ARRB1: variants seen among roughly 807,000 people sequenced by gnomAD.
ARRB1 encodes arrestin beta 1, also known as beta-arrestin-1.
ARRB1 carries 21 observed loss-of-function variants against 56.8 expected under a neutral mutation model. That is an observed-to-expected ratio of 0.37 (90% confidence interval 0.26 to 0.53). ARRB1 has a LOEUF of 0.53. Among genes scored for constraint, ARRB1 ranks in the 20% least tolerant of loss-of-function variants. The probability of loss-of-function intolerance (pLI) is 0.88; values close to 1 mark genes in which losing one functional copy is unlikely to be tolerated. For missense variants in ARRB1, 424 were observed against 553.7 expected (o/e 0.77, Z 2.35); for synonymous variants, 210 against 218.6 (o/e 0.96, Z 0.35).
At chr11:75,306,324 C>CTTCAG (rs1281036424) in intron 1 of ARRB1, among the ~76,000 whole-genome samples, 44 of 152,276 alleles carry the variant, frequency 2.9e-4, no homozygotes, top group African/African-American at 1.1e-3. Context: ...ACCCATCAGC[C>CTTCAG]TTCAGACATT....
intron 1 of ARRB1, among the ~76,000 whole-genome samples, chr11:75,299,701 C>A (rs1946851316): frequency 6.6e-6 from 1 of 152,200 alleles, no homozygotes; most frequent in South Asian, 2.1e-4. Context: ...ATAGCACTTA[C>A]CATACTTTGT....
intron 1 of ARRB1, among the ~76,000 whole-genome samples, chr11:75,314,969 G>A (rs1328964159): frequency 2.0e-5 from 3 of 152,148 alleles, no homozygotes; most frequent in Admixed American, 6.5e-5. Context: ...GAACAGAGAG[G>A]CCCGTGGTAG....
intron 1 of ARRB1, among the ~76,000 whole-genome samples, chr11:75,332,366 G>A (rs1382545513): frequency 6.6e-6 from 1 of 152,182 alleles, no homozygotes; most frequent in Non-Finnish European, 1.5e-5. Flanking sequence ...TGTAAACATA[G>A]CTAGATCTTT....
chr11:75,328,393 A>C (rs1947473113), intron 1 of ARRB1, among the ~76,000 whole-genome samples: 1 of 152,198 alleles, frequency 6.6e-6, no homozygotes, highest in Admixed American at 6.5e-5. Flanking sequence ...GCTATTGTGA[A>C]TAGTCAGTTG....
At chr11:75,321,738 T>C (rs1416087943) in intron 1 of ARRB1, among the ~76,000 whole-genome samples, 6 of 152,094 alleles carry the variant, frequency 3.9e-5, no homozygotes, top group African/African-American at 1.4e-4. Flanking sequence ...ATTAAGTGAG[T>C]GTAGTGTCTG....
intron 7 of ARRB1, among the ~76,000 whole-genome samples, chr11:75,280,073 T>C (rs1468892442): frequency 2.0e-5 from 3 of 152,180 alleles, no homozygotes; most frequent in African/African-American, 7.2e-5. Context: ...TGATAGCTTC[T>C]ATATCATTAT....
chr11:75,324,581 G>A (rs527571997), intron 1 of ARRB1, among the ~76,000 whole-genome samples: 4 of 152,186 alleles, frequency 2.6e-5, no homozygotes, highest in Admixed American at 6.5e-5. Context: ...CACCGTTGCC[G>A]AGCCCTGGAG....
rs143720836 is a variant in ARRB1 at position 75,350,656 on chromosome 11, G to A, written c.20+932C>T. On this transcript the variant is annotated intron_variant, in intron 1 of 15. Coordinates refer to ENST00000420843, the MANE Select transcript of ARRB1 (RefSeq NM_004041.5). The stretch of plus-strand genomic sequence containing the variant: ...TTTCAGGACAGGTTCTAGGAGAACG[G>A]GAGGGGTTCTCCCAGCCCTAGGTTC... 5.9e-5 allele frequency among the ~76,000 whole-genome samples: 9 copies of A among 152,346 alleles called. No homozygotes were observed. In the East Asian group the frequency reaches 1.5e-3, roughly 26 times the overall value.
chr11:75,319,280 C>T (rs1056833054), intron 1 of ARRB1, among the ~76,000 whole-genome samples: 2 of 152,310 alleles, frequency 1.3e-5, no homozygotes, highest in African/African-American at 2.4e-5. Flanking sequence ...GGATCCTCCC[C>T]TTCCACTGCC....
At position 75,273,246 on chromosome 11, in the gene ARRB1, C is replaced by T. The variant is rs1050881098; in HGVS notation, c.915-268G>A. 5.3e-5 allele frequency among the ~76,000 whole-genome samples: 8 copies of T among 152,180 alleles called. No homozygotes were observed. In the East Asian group the frequency reaches 5.8e-4, roughly 11 times the overall value. ...CTCTCCCTGCCCAGGCCAGCGTCCC[C>T]GCCATGAGGGCCAGGCTCCTCCTCC... On this transcript the variant is annotated intron_variant, in intron 11 of 15. Coordinates refer to ENST00000420843, the MANE Select transcript of ARRB1 (RefSeq NM_004041.5).
chr11:75,308,744 CAA>C (rs35118888), intron 1 of ARRB1, among the ~76,000 whole-genome samples: 3 of 137,352 alleles, frequency 2.2e-5, no homozygotes, highest in Admixed American at 7.2e-5. Flanking sequence ...GAATCCATCT[CAA>C]AAAAAAAAAA....
intron 1 of ARRB1, among the ~76,000 whole-genome samples, chr11:75,310,172 C>T (rs1947125803): frequency 6.6e-6 from 1 of 152,122 alleles, no homozygotes; most frequent in South Asian, 2.1e-4. Flanking sequence ...TCGCTCTCTC[C>T]CCTGGTATTT....
At chr11:75,347,861 C>T (rs1947796366) in intron 1 of ARRB1, among the ~76,000 whole-genome samples, 1 of 152,122 alleles carries the variant, frequency 6.6e-6, no homozygotes, top group Non-Finnish European at 1.5e-5. Context: ...TGGACTCCAC[C>T]TCCTATTCAC....
intron 6 of ARRB1, among the ~76,000 whole-genome samples, chr11:75,281,356 C>T (rs1946333449): frequency 6.6e-6 from 1 of 152,168 alleles, no homozygotes; most frequent in African/African-American, 2.4e-5. Flanking sequence ...ACATCTCGAA[C>T]CACCCAAACG....
At chr11:75,306,777 C>G (rs1045941269) in intron 1 of ARRB1, 2 of 871,634 alleles carry the variant, frequency 2.3e-6, no homozygotes, top group African/African-American at 3.6e-5. Flanking sequence ...CCTGTTTCCT[C>G]TCCTCCTCCG....
chr11:75,284,335 G>T, intron 3 of ARRB1, 56 bp from the exon 4 acceptor site: 1 of 1,525,376 alleles, frequency 6.6e-7, no homozygotes, highest in Non-Finnish European at 8.9e-7. Context: ...CCAAACCTCT[G>T]TGCCCCAAAC....
intron 1 of ARRB1, among the ~76,000 whole-genome samples, chr11:75,330,094 G>A (rs978028996): frequency 5.3e-5 from 8 of 151,754 alleles, no homozygotes; most frequent in African/African-American, 1.5e-4. Context: ...ATGAACGAAC[G>A]AACAATCTGT....
intron 1 of ARRB1, among the ~76,000 whole-genome samples, chr11:75,338,984 C>T (rs1947655303): frequency 6.6e-6 from 1 of 152,114 alleles, no homozygotes; most frequent in Non-Finnish European, 1.5e-5. Flanking sequence ...GGAAAACTTG[C>T]CTACAGACAT....
chr11:75,301,415 G>T (rs1273794645), intron 1 of ARRB1, among the ~76,000 whole-genome samples: 1 of 152,232 alleles, frequency 6.6e-6, no homozygotes, highest in East Asian at 1.9e-4. Flanking sequence ...TCGGCTAGGA[G>T]GGTAGGGCTG....
Sources: allele counts gnomAD v4.1 joint callset (sites outside exome capture counted in the v4.1 genomes callset), GRCh38; gene constraint gnomAD v4.1.1; transcripts MANE v1.5; gene names NCBI Gene and HGNC (gene_info 2026-07-23, HGNC 2026-07-21).